SMC5: variants seen among roughly 807,000 people sequenced by gnomAD.
SMC5 encodes the protein structural maintenance of chromosomes protein 5.
SMC5 carries 88 observed loss-of-function variants against 148.3 expected under a neutral mutation model. The observed-to-expected ratio is 0.59, with a 90% CI of 0.50 to 0.71. The LOEUF is 0.71. Among genes scored for constraint, SMC5 ranks in the 30% least tolerant of loss-of-function variants. The pLI, the probability that SMC5 is intolerant of heterozygous loss-of-function variation, is 0.00. For missense variants in SMC5, 1,142 were observed against 1,298.9 expected (o/e 0.88, Z 1.86); for synonymous variants, 421 against 432.8 (o/e 0.97, Z 0.34).
At chr9:70,315,249 A>G (rs2035764866) in intron 12 of SMC5, among the ~76,000 whole-genome samples, 197 bp from the exon 13 acceptor site, 1 of 152,014 alleles carries the variant, frequency 6.6e-6, no homozygotes, top group South Asian at 2.1e-4. Flanking sequence ...AGTAGTTTGT[A>G]ATCATAAAAA....
At chr9:70,323,783 G>T (rs1246245370) in intron 16 of SMC5, among the ~76,000 whole-genome samples, 177 bp downstream of exon 16, 1 of 152,050 alleles carries the variant, frequency 6.6e-6, no homozygotes, top group Admixed American at 6.6e-5. Context: ...TTCTTTAGAG[G>T]TAATAAATAG....
At chr9:70,298,963 T>G (rs1331777974) in intron 9 of SMC5, among the ~76,000 whole-genome samples, 1 of 151,796 alleles carries the variant, frequency 6.6e-6, no homozygotes, top group African/African-American at 2.4e-5. Context: ...ACATCTCTAT[T>G]ATAAATTCTT....
intron 8 of SMC5, among the ~76,000 whole-genome samples, chr9:70,296,799 G>A (rs2035214322): frequency 6.6e-6 from 1 of 152,136 alleles, no homozygotes; most frequent in African/African-American, 2.4e-5. Flanking sequence ...GTTTATATGT[G>A]TGTGTCCTAA....
rs753877841 is a variant in SMC5 at position 70,308,454 on chromosome 9, G to A, written c.1578+3094G>A. ...TAAAAATACAAAAAATTAGCCGGGC[G>A]TGGTGGCAGGGCGCCTGTAGTCCCA... On this transcript the variant is annotated intron_variant, in intron 11 of 24. Transcript: ENST00000361138. Among the ~76,000 whole-genome samples the A allele has an allele frequency of 1.1e-4, 16 of 151,768 alleles. 1 individual carries two copies. The highest frequency in any genetic ancestry group is 1.0e-3 in the South Asian group (5 of 4,794).
chr9:70,346,425 A>C (rs568529806), intron 18 of SMC5, 180 bp from the exon 19 acceptor site: 1 of 646,338 alleles, frequency 1.5e-6, no homozygotes, highest in South Asian at 2.0e-5. Flanking sequence ...AAAAAAAAGT[A>C]TATGTTCTAA....
chr9:70,317,890 G>A (rs2035844190), intron 13 of SMC5, among the ~76,000 whole-genome samples: 1 of 152,156 alleles, frequency 6.6e-6, no homozygotes, highest in African/African-American at 2.4e-5. Flanking sequence ...TCTTTGAACA[G>A]TATAACTGAG....
chr9:70,292,354 A>G (rs532333775), intron 8 of SMC5, among the ~76,000 whole-genome samples: 1 of 152,150 alleles, frequency 6.6e-6, no homozygotes, highest in East Asian at 1.9e-4. Flanking sequence ...CATTAGCATT[A>G]TGTAGTTTTA....
At chr9:70,269,544 G>A (rs191727104) in intron 3 of SMC5, among the ~76,000 whole-genome samples, 20 of 152,180 alleles carry the variant, frequency 1.3e-4, no homozygotes, top group African/African-American at 4.3e-4. Flanking sequence ...TTGTGCCACC[G>A]CACTCCAGCC....
chr9:70,334,351 G>T (rs1357417242), intron 17 of SMC5, among the ~76,000 whole-genome samples: 1 of 152,034 alleles, frequency 6.6e-6, no homozygotes, highest in Non-Finnish European at 1.5e-5. Flanking sequence ...CTTGGTTTTG[G>T]CAAGGATTTC....
chr9:70,266,174 TAAAA>T (rs962526732), intron 2 of SMC5, among the ~76,000 whole-genome samples: 1 of 149,826 alleles, frequency 6.7e-6, no homozygotes. Flanking sequence ...ATAGAAATAA[TAAAA>T]AAAAAATTAA....
In SMC5 at chr9:70,259,101, C is replaced by T. The variant is rs760489013; in HGVS notation, c.23C>T (p.Thr8Met). The T allele has an allele frequency of 1.9e-6, 3 of 1,610,138 alleles. No individual in the cohort carries two copies. In the East Asian group the frequency reaches 6.7e-5, roughly 36 times the overall value. MATPSKK[T>M]STPSPQPSKR... is the part of the protein sequence containing the mutation. The stretch of plus-strand genomic sequence containing the variant: ...AGGATGGCGACTCCGAGCAAGAAGA[C>T]GTCAACTCCAAGCCCCCAGCCTTCC... Residue 8 changes from threonine (T) to methionine (M), a missense_variant, in exon 1 of 25, where the codon ACG becomes ATG. Around this residue, in one of 5 missense-constraint regions of SMC5, gnomAD observed 297 missense variants for 302.6 expected, o/e 0.98. Transcript: ENST00000361138.
chr9:70,259,434 T>G lies in SMC5; in HGVS notation c.185+171T>G, dbSNP rs80312184. On this transcript the variant is annotated intron_variant, in intron 1 of 24. Coordinates refer to ENST00000361138, the MANE Select transcript of SMC5 (RefSeq NM_015110.4). ...ATTTTCCTACGTAGGCTGTGGAGAT[T>G]GACGTGTATGATGTAGGAGATGTGT... Among the ~76,000 whole-genome samples the G allele has an allele frequency of 7.9e-5, 12 of 152,288 alleles. No homozygotes were observed. The East Asian group carries it at 2.3e-3, about 29-fold the overall frequency.
At chr9:70,316,941 A>G (rs2035817909) in intron 13 of SMC5, among the ~76,000 whole-genome samples, 1 of 151,912 alleles carries the variant, frequency 6.6e-6, no homozygotes, top group Non-Finnish European at 1.5e-5. Flanking sequence ...CTTTGGTTTT[A>G]TATACTATAT....
chr9:70,287,266 T>G (rs886529176), intron 8 of SMC5, among the ~76,000 whole-genome samples: 1 of 152,166 alleles, frequency 6.6e-6, no homozygotes. Flanking sequence ...TGTTTTTTCT[T>G]AGTAGATTTT....
chr9:70,351,133 C>T (rs2036793467), intron 24 of SMC5, among the ~76,000 whole-genome samples: 1 of 152,092 alleles, frequency 6.6e-6, no homozygotes, highest in Non-Finnish European at 1.5e-5. Context: ...AGGTGGATCA[C>T]TTGAGCCCAG....
At chr9:70,292,794 T>C (rs2118317572) in intron 8 of SMC5, among the ~76,000 whole-genome samples, 1 of 152,294 alleles carries the variant, frequency 6.6e-6, no homozygotes, top group South Asian at 2.1e-4. Context: ...TAGTAAGTGA[T>C]GGATTATATT....
At chr9:70,312,726 T>G (rs143406532) in intron 11 of SMC5, among the ~76,000 whole-genome samples, 1 of 152,360 alleles carries the variant, frequency 6.6e-6, no homozygotes, top group African/African-American at 2.4e-5. Context: ...ATATGATAAG[T>G]TAGATCAGTT....
chr9:70,324,497 A>G (rs1044986840), intron 17 of SMC5, among the ~76,000 whole-genome samples: 3 of 152,132 alleles, frequency 2.0e-5, no homozygotes, highest in Non-Finnish European at 4.4e-5. Context: ...TTTCCCAAAA[A>G]CAGAAGAGAA....
intron 18 of SMC5, among the ~76,000 whole-genome samples, chr9:70,346,134 A>G (rs959295190): frequency 6.6e-6 from 1 of 152,198 alleles, no homozygotes; most frequent in Non-Finnish European, 1.5e-5. Context: ...CTGTTTCACC[A>G]TCTTAAATTT....
Sources: allele counts gnomAD v4.1 joint callset (sites outside exome capture counted in the v4.1 genomes callset), GRCh38; gene constraint gnomAD v4.1.1; regional missense constraint gnomAD v4.1.1; transcripts MANE v1.5; gene names NCBI Gene and HGNC (gene_info 2026-07-23, HGNC 2026-07-21).